The following SLC4A1AP variants were observed in gnomAD, a reference collection of about 807,000 sequenced individuals.
SLC4A1AP encodes solute carrier family 4 member 1 adaptor protein, also known as kanadaptin.
SLC4A1AP carries 64 observed loss-of-function variants against 89.7 expected under a neutral mutation model. The ratio of observed to expected loss-of-function variants is 0.71; its 90% CI spans 0.58 to 0.88. The LOEUF is 0.88. SLC4A1AP is among the 40% of genes least tolerant of loss of function. The pLI, the probability that SLC4A1AP is intolerant of heterozygous loss-of-function variation, is 0.00. For synonymous variants in SLC4A1AP, 366 were observed against 353.3 expected (o/e 1.04, Z -0.40); for missense variants, 931 against 965.0 (o/e 0.96, Z 0.47).
intron 5 of SLC4A1AP, among the ~76,000 whole-genome samples, chr2:27,671,694 G>C (rs995347728): frequency 2.6e-5 from 4 of 152,012 alleles, no homozygotes; most frequent in Non-Finnish European, 5.9e-5. Flanking sequence ...CATATTTCTT[G>C]GTTTATTTCC....
At chr2:27,664,533 C>T (rs1190742818) in exon 1 of SLC4A1AP, 2 of 1,613,892 alleles carry the variant, frequency 1.2e-6, no homozygotes, top group Admixed American at 1.7e-5. Flanking sequence ...CCACGTTGGG[C>T]ATGTTGTTCG....
At chr2:27,689,340 C>T (rs1307615769) in intron 12 of SLC4A1AP, among the ~76,000 whole-genome samples, 4 of 151,984 alleles carry the variant, frequency 2.6e-5, no homozygotes, top group East Asian at 3.9e-4. Flanking sequence ...TCAGGAGGTC[C>T]CCAAGACCAC....
chr2:27,688,924 C>T (rs1294668531), intron 12 of SLC4A1AP, among the ~76,000 whole-genome samples, 157 bp downstream of exon 12: 4 of 152,126 alleles, frequency 2.6e-5, no homozygotes, highest in Non-Finnish European at 5.9e-5. Flanking sequence ...TTTGAATTTT[C>T]TGTTGTCTTT....
intron 11 of SLC4A1AP, among the ~76,000 whole-genome samples, 198 bp downstream of exon 11, chr2:27,688,218 C>T (rs1239659292): frequency 6.6e-6 from 1 of 152,214 alleles, no homozygotes; most frequent in Non-Finnish European, 1.5e-5. Context: ...TTTTACTCCT[C>T]TTCCACCTTC....
At chr2:27,692,558 A>G (rs1289186775) in intron 12 of SLC4A1AP, 2 of 152,124 alleles carry the variant, frequency 1.3e-5, no homozygotes, top group Non-Finnish European at 2.9e-5. Context: ...TTCTGCCTTG[A>G]TGATCTGTTT....
intron 12 of SLC4A1AP, among the ~76,000 whole-genome samples, chr2:27,691,135 T>G (rs1675780646): frequency 6.6e-6 from 1 of 152,310 alleles, no homozygotes; most frequent in Non-Finnish European, 1.5e-5. Flanking sequence ...TCCTTGAATG[T>G]CTGGTAGAAT....
At chr2:27,686,311 C>T (rs1019627059) in intron 10 of SLC4A1AP, among the ~76,000 whole-genome samples, 2 of 152,184 alleles carry the variant, frequency 1.3e-5, no homozygotes, top group Admixed American at 6.5e-5. Flanking sequence ...AAGGTACTTA[C>T]ATGAGCTTGG....
chr2:27,687,004 A>G lies in SLC4A1AP; in HGVS notation c.2117-930A>G, dbSNP rs747126806. Among the ~76,000 whole-genome samples the G allele has an allele frequency of 2.4e-4, 36 of 152,264 alleles. No homozygotes were observed. In the Middle Eastern group the frequency reaches 0.01, roughly 43 times the overall value. ...GAAAATAGAGTCATAGGGTCTCCCT[A>G]TGTTGCTCAAGCTGGTCTCAAACTC... is the stretch of plus-strand genomic sequence containing the variant. On this transcript the variant is annotated intron_variant, in intron 10 of 13. Coordinates refer to ENST00000613058, the Ensembl canonical transcript of SLC4A1AP.
intron 3 of SLC4A1AP, chr2:27,668,540 C>G: frequency 1.9e-6 from 1 of 528,522 alleles, no homozygotes. Context: ...ACCTTGACCT[C>G]CTGGGTTTAA....
At chr2:27,678,002 T>A in intron 8 of SLC4A1AP, 78 bp downstream of exon 8, 2 of 947,852 alleles carry the variant, frequency 2.1e-6, no homozygotes, top group Non-Finnish European at 3.1e-6. Flanking sequence ...TTTATCTTCT[T>A]AAATAATCAT....
chr2:27,667,817 A>G (rs1675358164), intron 3 of SLC4A1AP, among the ~76,000 whole-genome samples: 1 of 151,616 alleles, frequency 6.6e-6, no homozygotes. Flanking sequence ...TTGTTTTGGT[A>G]GGAATACTTT....
intron 5 of SLC4A1AP, among the ~76,000 whole-genome samples, chr2:27,673,552 T>C (rs569241680): frequency 5.3e-5 from 8 of 151,268 alleles, no homozygotes; most frequent in African/African-American, 1.5e-4. Flanking sequence ...CAGCATCAAC[T>C]TCCGGGGCTC....
At chr2:27,671,873 G>A (rs1464136528) in intron 5 of SLC4A1AP, among the ~76,000 whole-genome samples, 1 of 152,064 alleles carries the variant, frequency 6.6e-6, no homozygotes, top group Admixed American at 6.5e-5. Flanking sequence ...AGAGTGTATA[G>A]GAAATAAATT....
chr2:27,673,361 T>G (rs1485149697), intron 5 of SLC4A1AP, among the ~76,000 whole-genome samples: 2 of 148,746 alleles, frequency 1.3e-5, no homozygotes, highest in Admixed American at 6.8e-5. Flanking sequence ...CTTTTCCTCC[T>G]TTCCCTCCCT....
At chr2:27,674,842 G>A (rs879731582) in intron 5 of SLC4A1AP, among the ~76,000 whole-genome samples, 56 of 150,648 alleles carry the variant, frequency 3.7e-4, no homozygotes, top group Non-Finnish European at 5.6e-4. Context: ...CTCCTGAGTA[G>A]CTGGGATTAC....
intron 8 of SLC4A1AP, among the ~76,000 whole-genome samples, chr2:27,680,561 G>A (rs1386526361): frequency 6.6e-6 from 1 of 152,022 alleles, no homozygotes; most frequent in Non-Finnish European, 1.5e-5. Context: ...TGAGTGAGGT[G>A]GGAGGATGGC....
At chr2:27,681,090 T>C (rs1305704079) in intron 8 of SLC4A1AP, among the ~76,000 whole-genome samples, 7 of 152,196 alleles carry the variant, frequency 4.6e-5, no homozygotes, top group African/African-American at 1.7e-4. Flanking sequence ...GAGCCAGTCT[T>C]AGCTTATCCT....
At chr2:27,665,444 G>T (rs1675300487) in intron 2 of SLC4A1AP, 149 bp downstream of exon 2, 2 of 553,458 alleles carry the variant, frequency 3.6e-6, no homozygotes, top group Middle Eastern at 5.1e-4. Flanking sequence ...CCAAAACCCA[G>T]AGAGATTCAC....
At chr2:27,668,180 G>A (rs1675364619) in intron 3 of SLC4A1AP, among the ~76,000 whole-genome samples, 1 of 150,876 alleles carries the variant, frequency 6.6e-6, no homozygotes, top group East Asian at 1.9e-4. Context: ...ACGGAGTCTC[G>A]CTCTGTTGCC....
Sources: allele counts gnomAD v4.1 joint callset (sites outside exome capture counted in the v4.1 genomes callset), GRCh38; gene constraint gnomAD v4.1.1; transcripts MANE v1.5; gene names NCBI Gene and HGNC (gene_info 2026-07-23, HGNC 2026-07-21).